TKTL1: variants seen among roughly 807,000 people sequenced by gnomAD.
TKTL1 encodes transketolase-like protein 1.
Under a neutral mutation model 39.3 loss-of-function variants are expected in TKTL1, and 1 was observed. The observed-to-expected ratio is 0.03, with a 90% CI of 0.01 to 0.12. TKTL1 has a LOEUF of 0.12. TKTL1 is among the 10% of genes least tolerant of loss of function. TKTL1 has a pLI of 1.00. For missense variants in TKTL1, 575 were observed against 509.6 expected (o/e 1.13, Z -1.24); for synonymous variants, 262 against 193.8 (o/e 1.35, Z -2.92).
In TKTL1 at chrX:154,320,926, A is replaced by G. The variant is rs1195515239; in HGVS notation, c.1186+13A>G. On this transcript the variant is annotated intron_variant, in intron 8 of 12. Coordinates refer to ENST00000369915, the MANE Select transcript of TKTL1 (RefSeq NM_012253.4). ...GGGGTATCTGTTGGTAAGGGTTCTA[A>G]ATGCCATCATCTTGGTAGCCTTCCT... 1.7e-6 allele frequency: 2 copies of G among 1,205,680 alleles called. No homozygotes were observed. Among genetic ancestry groups the G allele is most frequent in the Non-Finnish European group, 2.2e-6 (2 of 891,268 alleles).
intron 1 of TKTL1, among the ~76,000 whole-genome samples, chrX:154,304,216 C>T (rs1333103263): frequency 9.0e-6 from 1 of 111,039 alleles, no homozygotes; most frequent in Non-Finnish European, 1.9e-5. Flanking sequence ...CAGGAAAGAG[C>T]TTAGTGAATA....
At chrX:154,306,015 C>T (rs2067312106) in intron 2 of TKTL1, among the ~76,000 whole-genome samples, 2 of 111,177 alleles carry the variant, frequency 1.8e-5, no homozygotes, top group African/African-American at 6.5e-5. Flanking sequence ...CAAATTAAAA[C>T]CTGGCTAGGG....
intron 3 of TKTL1, among the ~76,000 whole-genome samples, chrX:154,310,354 G>C (rs1406578676): frequency 9.0e-6 from 1 of 111,696 alleles, no homozygotes; most frequent in Admixed American, 9.4e-5. Flanking sequence ...AGAATTGCTT[G>C]AACCCGGGAG....
chrX:154,317,732 T>C (rs2067412538), intron 7 of TKTL1, among the ~76,000 whole-genome samples: 1 of 112,410 alleles, frequency 8.9e-6, no homozygotes, highest in Admixed American at 9.4e-5. Flanking sequence ...TTGTCACATA[T>C]TGCCTTGGCA....
chrX:154,315,124 C>G, intron 6 of TKTL1, 49 bp from the exon 7 acceptor site: 1 of 1,149,416 alleles, frequency 8.7e-7, no homozygotes. Flanking sequence ...GTCGTTCCTT[C>G]TAAATGCATT....
At chrX:154,297,906 A>G (rs2067243266) in intron 1 of TKTL1, among the ~76,000 whole-genome samples, 1 of 112,011 alleles carries the variant, frequency 8.9e-6, no homozygotes, top group Non-Finnish European at 1.9e-5. Context: ...CTTGTAGAGA[A>G]AAAAAAATTT....
chrX:154,315,094 T>C, intron 6 of TKTL1, 79 bp from the exon 7 acceptor site: 1 of 1,012,666 alleles, frequency 9.9e-7, no homozygotes, highest in Admixed American at 2.7e-5. Flanking sequence ...CATTCTACAA[T>C]ATGGTACCTT....
intron 7 of TKTL1, among the ~76,000 whole-genome samples, chrX:154,316,511 C>T (rs1350501730): frequency 9.0e-6 from 1 of 111,367 alleles, no homozygotes; most frequent in Non-Finnish European, 1.9e-5. Context: ...CTGCAATGTA[C>T]CACTGCATTC....
chrX:154,317,103 T>G (rs1460790070), intron 7 of TKTL1, among the ~76,000 whole-genome samples: 1 of 111,518 alleles, frequency 9.0e-6, no homozygotes, highest in Non-Finnish European at 1.9e-5. Flanking sequence ...TAGAAAACAA[T>G]GCGATCCGTA....
chrX:154,309,245 G>A, intron 2 of TKTL1, 100 bp from the exon 3 acceptor site: 2 of 702,231 alleles, frequency 2.8e-6, no homozygotes, highest in South Asian at 2.2e-5. Context: ...ATGGGACGCT[G>A]CTACAGAGCT....
intron 1 of TKTL1, chrX:154,304,927 A>G (rs782576607): frequency 1.4e-4 from 114 of 836,703 alleles, no homozygotes; most frequent in Non-Finnish European, 1.8e-4. Flanking sequence ...AAAGAAATTC[A>G]TTGTAGAAGG....
At chrX:154,316,795 T>C (rs1557169455) in intron 7 of TKTL1, among the ~76,000 whole-genome samples, 1 of 102,914 alleles carries the variant, frequency 9.7e-6, no homozygotes, top group African/African-American at 3.6e-5. Flanking sequence ...AGATGGAGTC[T>C]CTCTCTCTCT....
At chrX:154,317,953 C>T (rs1557169698) in intron 7 of TKTL1, among the ~76,000 whole-genome samples, 6 of 112,477 alleles carry the variant, frequency 5.3e-5, no homozygotes, top group Non-Finnish European at 1.1e-4. Context: ...ACAGTGGTAT[C>T]AGATGGCTGG....
At chrX:154,321,516 G>A (rs1603354374) in intron 8 of TKTL1, among the ~76,000 whole-genome samples, 1 of 101,735 alleles carries the variant, frequency 9.8e-6, no homozygotes, top group Admixed American at 1.1e-4. Context: ...CCAGGGGGGT[G>A]GGGGGGGACC....
intron 6 of TKTL1, among the ~76,000 whole-genome samples, chrX:154,313,399 C>T (rs2067373574): frequency 8.9e-6 from 1 of 111,810 alleles, no homozygotes; most frequent in Non-Finnish European, 1.9e-5. Context: ...TGGTTTTTAG[C>T]ACCTTTACAT....
At chrX:154,308,049 C>T (rs1206849626) in intron 2 of TKTL1, among the ~76,000 whole-genome samples, 1 of 111,910 alleles carries the variant, frequency 8.9e-6, no homozygotes, top group Non-Finnish European at 1.9e-5. Flanking sequence ...TGACCTCGCT[C>T]ATCTCTGCTC....
chrX:154,296,156 A>G (rs1249416237), intron 1 of TKTL1, among the ~76,000 whole-genome samples, 163 bp downstream of exon 1: 1 of 111,067 alleles, frequency 9.0e-6, no homozygotes, highest in African/African-American at 3.3e-5. Context: ...CGAGCACCCT[A>G]GATGGCAGCG....
Position 154,311,092 on chromosome X carries a change from C to T in TKTL1, c.543-19C>T, listed in dbSNP as rs782509028. 2 of 1,211,232 alleles carry T rather than the reference C, an allele frequency of 1.7e-6. No individual in the cohort carries two copies. Among genetic ancestry groups the T allele is most frequent in the East Asian group, 5.9e-5 (2 of 33,824 alleles). ...GCCCCCTTCATCTCTTGTAACCCAGCCTGCTCCTCTGTTGGCAGGTGGAAC... is the reference window on the plus strand; with the variant it reads ...GCCCCCTTCATCTCTTGTAACCCAGTCTGCTCCTCTGTTGGCAGGTGGAAC... On this transcript the variant is annotated intron_variant, in intron 4 of 12. Coordinates refer to ENST00000369915, the MANE Select transcript of TKTL1 (RefSeq NM_012253.4).
intron 7 of TKTL1, among the ~76,000 whole-genome samples, chrX:154,315,788 C>T (rs181557381): frequency 4.4e-5 from 5 of 112,509 alleles, no homozygotes; most frequent in East Asian, 2.8e-4. Flanking sequence ...GTTGCACTTA[C>T]TTCAATCACA....
Sources: gnomAD v4.1 joint callset for allele counts (sites outside exome capture counted in the v4.1 genomes callset) on GRCh38, gnomAD v4.1.1 for gene constraint, MANE v1.5 for transcripts, NCBI Gene and HGNC (gene_info 2026-07-23, HGNC 2026-07-21) for gene names.